CNTN5: variants seen among roughly 807,000 people sequenced by gnomAD.
CNTN5 encodes contactin-5.
A neutral mutation model predicts 129.1 loss-of-function variants in CNTN5; 77 were observed. The observed-to-expected ratio is 0.60, with a 90% CI of 0.50 to 0.72. The LOEUF is 0.72. CNTN5 is among the 30% of genes least tolerant of loss of function. The pLI is 0.00. For synonymous variants in CNTN5, 509 were observed against 465.6 expected (o/e 1.09, Z -1.20); for missense variants, 1,478 against 1,328.8 (o/e 1.11, Z -1.75).
At chr11:99,100,754 T>C in intron 1 of CNTN5, among the ~76,000 whole-genome samples, 1 of 152,196 alleles carries the variant, frequency 6.6e-6, no homozygotes, top group South Asian at 2.1e-4. Context: ...TAAACCAAAG[T>C]GTACAATAAA....
intron 13 of CNTN5, among the ~76,000 whole-genome samples, chr11:100,111,092 A>C (rs1945644744): frequency 6.6e-6 from 1 of 152,212 alleles, no homozygotes; most frequent in African/African-American, 2.4e-5. Flanking sequence ...ACCAAGGGAA[A>C]GAGAGGGAGA....
At chr11:99,916,235 C>T (rs1053333926) in intron 7 of CNTN5, 86 bp downstream of exon 7, 6 of 1,001,612 alleles carry the variant, frequency 6.0e-6, no homozygotes, top group African/African-American at 3.2e-5. Context: ...GATGGGAGAA[C>T]ATTTCAGGTG....
At chr11:99,982,734 G>A (rs34481226) in intron 8 of CNTN5, among the ~76,000 whole-genome samples, 9,403 of 152,090 alleles carry the variant, frequency 0.062, 371 homozygotes, top group Non-Finnish European at 0.083. Context: ...TCATCCTCCC[G>A]GGTTCACGCC....
intron 3 of CNTN5, among the ~76,000 whole-genome samples, chr11:99,637,553 G>A (rs548583667): frequency 1.3e-5 from 2 of 152,012 alleles, no homozygotes; most frequent in African/African-American, 4.8e-5. Flanking sequence ...ACATATAGGG[G>A]TTACTGAAAA....
At chr11:100,356,029 T>A in intron 24 of CNTN5, 88 bp from the exon 25 acceptor site, 1 of 794,630 alleles carries the variant, frequency 1.3e-6, no homozygotes, top group Non-Finnish European at 2.2e-6. Context: ...GATCTTGCAC[T>A]CATTAGTCTT....
chr11:99,640,603 ATATTTT>A (rs1356905667), intron 3 of CNTN5, among the ~76,000 whole-genome samples: 6 of 152,140 alleles, frequency 3.9e-5, no homozygotes, highest in Admixed American at 6.5e-5. Flanking sequence ...TTATAATACT[ATATTTT>A]TAGTGTACTT....
chr11:99,962,949 A>G (rs1184783387), intron 8 of CNTN5, among the ~76,000 whole-genome samples: 1 of 151,414 alleles, frequency 6.6e-6, no homozygotes, highest in Non-Finnish European at 1.5e-5. Context: ...GGCTGTATAA[A>G]TGTCTTCTTT....
chr11:99,301,945 T>G (rs183233471), intron 1 of CNTN5, among the ~76,000 whole-genome samples: 24 of 151,494 alleles, frequency 1.6e-4, no homozygotes, highest in African/African-American at 5.3e-4. Context: ...AAATTGAATA[T>G]TTGAAAATAA....
intron 18 of CNTN5, among the ~76,000 whole-genome samples, chr11:100,288,246 T>C (rs1208622746): frequency 9.8e-4 from 149 of 152,148 alleles, no homozygotes; most frequent in African/African-American, 3.4e-3. Flanking sequence ...CTCAGCTCTG[T>C]ACCAAGTGGA....
At chr11:100,154,127 C>G (rs982829104) in intron 13 of CNTN5, among the ~76,000 whole-genome samples, 1 of 151,966 alleles carries the variant, frequency 6.6e-6, no homozygotes, top group Non-Finnish European at 1.5e-5. Context: ...CCGAACAAGC[C>G]CCTGTGTGTG....
At chr11:100,249,201 G>GAT (rs143742916) in intron 16 of CNTN5, among the ~76,000 whole-genome samples, 15 of 151,864 alleles carry the variant, frequency 9.9e-5, no homozygotes, top group East Asian at 1.9e-4. Context: ...ATTCCAAGGA[G>GAT]ATATATATAT....
intron 3 of CNTN5, among the ~76,000 whole-genome samples, chr11:99,771,281 T>C (rs893050746): frequency 7.9e-5 from 12 of 152,012 alleles, no homozygotes; most frequent in Non-Finnish European, 1.2e-4. Context: ...ACTGTGTTCA[T>C]TGCAGCATCA....
chr11:99,173,563 G>A (rs960071930), intron 1 of CNTN5, among the ~76,000 whole-genome samples: 1 of 152,124 alleles, frequency 6.6e-6, no homozygotes, highest in Non-Finnish European at 1.5e-5. Context: ...TCTGTTCATT[G>A]GGGCAGACTG....
intron 9 of CNTN5, among the ~76,000 whole-genome samples, chr11:100,025,340 T>C (rs1403625610): frequency 4.6e-5 from 7 of 152,302 alleles, no homozygotes; most frequent in Non-Finnish European, 2.9e-5. Flanking sequence ...AGAGGATTTA[T>C]GAAAATGCCT....
At chr11:99,527,100 C>T (rs1056651212) in intron 2 of CNTN5, among the ~76,000 whole-genome samples, 2 of 152,216 alleles carry the variant, frequency 1.3e-5, no homozygotes, top group African/African-American at 4.8e-5. Flanking sequence ...CCACTTGTCT[C>T]CCCTAGGATA....
At chr11:100,323,806 T>A (rs1951741478) in intron 21 of CNTN5, among the ~76,000 whole-genome samples, 1 of 152,128 alleles carries the variant, frequency 6.6e-6, no homozygotes. Flanking sequence ...AGGTTTAAAA[T>A]TTATTGCTCT....
intron 1 of CNTN5, among the ~76,000 whole-genome samples, chr11:99,254,531 T>A (rs1408954567): frequency 1.3e-5 from 2 of 152,012 alleles, no homozygotes; most frequent in Non-Finnish European, 2.9e-5. Context: ...TGGCTAATTT[T>A]ATTTTCTGCT....
intron 2 of CNTN5, among the ~76,000 whole-genome samples, chr11:99,353,750 C>T (rs1259485489): frequency 1.3e-5 from 2 of 152,144 alleles, no homozygotes; most frequent in African/African-American, 2.4e-5. Context: ...TGCTGTGCAT[C>T]CTGATTGTCC....
rs1257982296 is a variant in CNTN5 at position 100,299,187 on chromosome 11, G to C, written c.2411G>C (p.Gly804Ala). ...WEPVSEEFQN[G>A]EGFGYIVAFR... The stretch of plus-strand genomic sequence containing the variant: ...CCAGTATCTGAAGAGTTTCAGAATG[G>C]GGAAGGCTTCGGCTATATTGTGGCT... The change falls in exon 20 of 25, where the codon GGG becomes GCG. Residue 804 changes from glycine to alanine, a missense_variant. By Grantham distance (60) the Gly-to-Ala change is moderately conservative. Transcript: ENST00000524871. The C allele has an allele frequency of 6.2e-7, 1 of 1,606,470 alleles. No homozygotes were observed. The highest frequency in any genetic ancestry group is 8.5e-7 in the Non-Finnish European group (1 of 1,175,398).
Sources: gnomAD v4.1 joint callset for allele counts (sites outside exome capture counted in the v4.1 genomes callset) on GRCh38, gnomAD v4.1.1 for gene constraint, MANE v1.5 for transcripts, NCBI Gene and HGNC (gene_info 2026-07-23, HGNC 2026-07-21) for gene names.